The following FNIP1 variants were observed in gnomAD, a reference collection of about 807,000 sequenced individuals.
FNIP1 encodes the protein folliculin interacting protein 1, also known as folliculin-interacting protein 1.
In FNIP1, 40 loss-of-function variants were observed where a neutral mutation model predicts 124.5. The ratio of observed to expected loss-of-function variants is 0.32; its 90% CI spans 0.25 to 0.42. FNIP1 has a LOEUF of 0.42. Ranked by LOEUF, FNIP1 falls within the 10% of genes least tolerant of loss-of-function variation. The probability of loss-of-function intolerance (pLI) is 1.00; values close to 1 mark genes in which losing one functional copy is unlikely to be tolerated. For missense variants in FNIP1, 1,176 were observed against 1,403.7 expected (o/e 0.84, Z 2.59); for synonymous variants, 472 against 470.6 (o/e 1.00, Z -0.04).
chr5:131,777,756 T>C (rs1771860165), intron 1 of FNIP1, among the ~76,000 whole-genome samples: 1 of 152,070 alleles, frequency 6.6e-6, no homozygotes, highest in South Asian at 2.1e-4. Flanking sequence ...AATGATATCA[T>C]ATTGTGGTTC....
At chr5:131,650,905 C>T (rs559659090) in intron 16 of FNIP1, among the ~76,000 whole-genome samples, 2 of 152,202 alleles carry the variant, frequency 1.3e-5, no homozygotes, top group Admixed American at 6.5e-5. Context: ...AATAAAAGTC[C>T]TGACATGACA....
At chr5:131,705,563 T>C (rs1052923412) in intron 9 of FNIP1, among the ~76,000 whole-genome samples, 11 of 152,152 alleles carry the variant, frequency 7.2e-5, no homozygotes, top group African/African-American at 2.7e-4. Flanking sequence ...CTCATTAAGA[T>C]GGCTATTATC....
intron 1 of FNIP1, among the ~76,000 whole-genome samples, chr5:131,767,313 C>A (rs1771461971): frequency 6.6e-6 from 1 of 151,182 alleles, no homozygotes; most frequent in African/African-American, 2.4e-5. Context: ...CCTGTAGTCC[C>A]AGCTACTCGG....
rs141117260 is a variant in FNIP1 at position 131,728,725 on chromosome 5, C to G, written c.354+2179G>C. Among the ~76,000 whole-genome samples, 716 of 152,204 alleles carry G rather than the reference C, an allele frequency of 4.7e-3. 8 individuals are homozygous for G. Among genetic ancestry groups the G allele is most frequent in the African/African-American group, 0.016 (680 of 41,530 alleles). On this transcript the variant is annotated intron_variant, in intron 3 of 17. Transcript: ENST00000510461. Reference sequence around the variant, plus strand: ...TCCTCCATCCAGTTTTGTTCCCTTGCTGGCAAGGTGTTGTGATCCTTTGGA... The same window carrying G: ...TCCTCCATCCAGTTTTGTTCCCTTGGTGGCAAGGTGTTGTGATCCTTTGGA...
rs1230600109 is a variant in FNIP1 at position 131,699,395 on chromosome 5, CTTTT to C, written c.1117-397_1117-394del. Reference sequence around the variant, plus strand: ...TCACAGATAACACTTCTGTTAACTCCTTTTTTTTTTTTTTTTTGACAAGAGTCTC... The same window carrying C: ...TCACAGATAACACTTCTGTTAACTCCTTTTTTTTTTTTTGACAAGAGTCTC... On this transcript the variant is annotated intron_variant, in intron 10 of 17. Transcript: ENST00000510461. Among the ~76,000 whole-genome samples the C allele has an allele frequency of 9.6e-5, 13 of 135,972 alleles. No individual in the cohort carries two copies. The South Asian group carries it at 1.9e-3, about 19-fold the overall frequency. The allele number at this position is 135,972 out of a possible 152,430, so 89.2% of individuals were successfully genotyped here.
chr5:131,790,160 TG>T (rs559165321), intron 1 of FNIP1, among the ~76,000 whole-genome samples: 335 of 152,262 alleles, frequency 2.2e-3, no homozygotes, highest in Middle Eastern at 0.02. Flanking sequence ...AATGTGAACT[TG>T]GGGGAGACAA....
chr5:131,678,960 G>T, intron 12 of FNIP1, 69 bp downstream of exon 12: 1 of 1,042,426 alleles, frequency 9.6e-7, no homozygotes, highest in South Asian at 1.6e-5. Flanking sequence ...GATAATGGAT[G>T]ATTCTTCCAC....
chr5:131,675,309 T>A (rs1208612960), intron 13 of FNIP1, among the ~76,000 whole-genome samples: 2 of 152,206 alleles, frequency 1.3e-5, no homozygotes, highest in African/African-American at 4.8e-5. Context: ...AGTTCCTCCT[T>A]GAATTATCAT....
At chr5:131,707,442 T>C (rs184210027) in intron 8 of FNIP1, among the ~76,000 whole-genome samples, 9 of 152,318 alleles carry the variant, frequency 5.9e-5, no homozygotes, top group African/African-American at 1.9e-4. Context: ...GATGATAAAT[T>C]ATTTTGGACA....
intron 11 of FNIP1, among the ~76,000 whole-genome samples, chr5:131,682,139 A>G (rs1379324439): frequency 6.6e-6 from 1 of 150,412 alleles, no homozygotes; most frequent in South Asian, 2.1e-4. Context: ...GAAACAATGT[A>G]TAAATAAATA....
rs1292833372 is a variant in FNIP1 at position 131,709,096 on chromosome 5, G to A, written c.778+105C>T. The A allele has an allele frequency of 1.3e-4, 112 of 858,992 alleles. No individual in the cohort carries two copies. In the South Asian group the frequency reaches 1.6e-3, roughly 12 times the overall value. The allele number at this position is 858,992 out of a possible 1,614,324, so 53.2% of individuals were successfully genotyped here. A position where few individuals can be genotyped will look rare whatever the true frequency, so the allele number is the denominator to read the frequency against. On this transcript the variant is annotated intron_variant, in intron 8 of 17. Coordinates refer to ENST00000510461, the MANE Select transcript of FNIP1 (RefSeq NM_133372.3). ...GGTCTTTTCACAGTTCTCTTGTAAG[G>A]CTAATATCAATATGAACAAATTTGA...
At chr5:131,757,669 A>G (rs1771093443) in intron 1 of FNIP1, among the ~76,000 whole-genome samples, 1 of 151,950 alleles carries the variant, frequency 6.6e-6, no homozygotes, top group Non-Finnish European at 1.5e-5. Flanking sequence ...AATTGGGAAG[A>G]AAGTGGGGAC....
intron 1 of FNIP1, among the ~76,000 whole-genome samples, chr5:131,792,920 T>C (rs1772456812): frequency 6.6e-6 from 1 of 152,224 alleles, no homozygotes; most frequent in African/African-American, 2.4e-5. Context: ...ATACTCAACC[T>C]GTATAACAAA....
intron 11 of FNIP1, among the ~76,000 whole-genome samples, chr5:131,680,834 G>T: frequency 6.6e-6 from 1 of 152,192 alleles, no homozygotes; most frequent in Admixed American, 6.5e-5. Context: ...GAGATTTCAT[G>T]AAATTCTGGA....
intron 15 of FNIP1, among the ~76,000 whole-genome samples, chr5:131,668,550 T>C (rs966206387): frequency 6.6e-6 from 1 of 152,114 alleles, no homozygotes; most frequent in African/African-American, 2.4e-5. Flanking sequence ...GCAGGTGTGG[T>C]GGTGGGCACC....
intron 10 of FNIP1, among the ~76,000 whole-genome samples, chr5:131,700,012 G>C (rs1768844991): frequency 6.9e-6 from 1 of 145,864 alleles, no homozygotes; most frequent in African/African-American, 2.5e-5. Flanking sequence ...TTAAGACAGA[G>C]TCCTGCTCTG....
intron 6 of FNIP1, among the ~76,000 whole-genome samples, chr5:131,713,534 A>T (rs1769370682): frequency 6.6e-6 from 1 of 152,194 alleles, no homozygotes; most frequent in Non-Finnish European, 1.5e-5. Flanking sequence ...ATTATTAAAC[A>T]CTCATCCATT....
chr5:131,774,398 T>C (rs1015011838), intron 1 of FNIP1, among the ~76,000 whole-genome samples: 1 of 152,342 alleles, frequency 6.6e-6, no homozygotes, highest in South Asian at 2.1e-4. Flanking sequence ...GTATATCCGA[T>C]ATAACATCTT....
chr5:131,684,143 CA>C (rs1177462951), intron 11 of FNIP1, among the ~76,000 whole-genome samples: 2 of 151,806 alleles, frequency 1.3e-5, no homozygotes, highest in Admixed American at 6.6e-5. Context: ...CAGAAAAATG[CA>C]AAAAAATTGG....
Sources: allele counts gnomAD v4.1 joint callset (sites outside exome capture counted in the v4.1 genomes callset), GRCh38; gene constraint gnomAD v4.1.1; transcripts MANE v1.5; gene names NCBI Gene and HGNC (gene_info 2026-07-23, HGNC 2026-07-21).